GPC6: variants seen among roughly 807,000 people sequenced by gnomAD.
GPC6 encodes the protein glypican-6.
GPC6 carries 14 observed loss-of-function variants against 55.2 expected under a neutral mutation model. The observed-to-expected ratio is 0.25, with a 90% confidence interval of 0.17 to 0.40. The LOEUF is 0.40. GPC6 is among the 10% of genes least tolerant of loss of function. The pLI is 1.00. For missense variants in GPC6, 641 were observed against 708.5 expected, an observed-to-expected ratio of 0.90 and a Z score of 1.08; for synonymous variants, 278 against 259.6, an observed-to-expected ratio of 1.07 and a Z score of -0.68.
intron 1 of GPC6, among the ~76,000 whole-genome samples, chr13:93,235,609 G>A (rs967678386): frequency 2.0e-5 from 3 of 151,928 alleles, no homozygotes; most frequent in Non-Finnish European, 2.9e-5. Context: ...GGTGAATAAG[G>A]CCATGAGAGA....
At chr13:93,280,021 G>A (rs901033325) in intron 1 of GPC6, among the ~76,000 whole-genome samples, 1 of 152,170 alleles carries the variant, frequency 6.6e-6, no homozygotes, top group African/African-American at 2.4e-5. Flanking sequence ...AAGGATACCT[G>A]CTTGGTCTGT....
chr13:93,326,331 T>C (rs559553350), intron 1 of GPC6, among the ~76,000 whole-genome samples: 2 of 152,286 alleles, frequency 1.3e-5, no homozygotes, highest in African/African-American at 4.8e-5. Context: ...CTTGAGATTC[T>C]TTACTTATTA....
At chr13:93,980,221 A>T (rs1219131669) in intron 3 of GPC6, among the ~76,000 whole-genome samples, 1 of 152,162 alleles carries the variant, frequency 6.6e-6, no homozygotes, top group East Asian at 1.9e-4. Flanking sequence ...TTTAAAAGAA[A>T]ATCAATGCAA....
intron 2 of GPC6, among the ~76,000 whole-genome samples, chr13:93,586,593 C>A (rs78201998): frequency 6.6e-6 from 1 of 152,164 alleles, no homozygotes; most frequent in Non-Finnish European, 1.5e-5. Context: ...CCCTTCCTTA[C>A]ACCATATGCA....
intron 4 of GPC6, among the ~76,000 whole-genome samples, chr13:94,242,445 G>A (rs1212678567): frequency 3.3e-5 from 5 of 152,016 alleles, no homozygotes; most frequent in South Asian, 2.1e-4. Flanking sequence ...ACATGCACAC[G>A]TATGTTTATT....
intron 4 of GPC6, among the ~76,000 whole-genome samples, chr13:94,122,712 G>T (rs562948411): frequency 3.3e-5 from 5 of 152,030 alleles, no homozygotes; most frequent in African/African-American, 1.2e-4. Flanking sequence ...AGCCAGAAGA[G>T]AGCTATTTCC....
chr13:93,603,644 C>G (rs2139527916), intron 2 of GPC6, among the ~76,000 whole-genome samples: 1 of 152,290 alleles, frequency 6.6e-6, no homozygotes, highest in Admixed American at 6.5e-5. Context: ...TTGGATAAAA[C>G]TAATTGTGAA....
intron 3 of GPC6, among the ~76,000 whole-genome samples, chr13:93,968,503 A>C (rs901296950): frequency 6.6e-6 from 1 of 152,162 alleles, no homozygotes; most frequent in Admixed American, 6.5e-5. Flanking sequence ...TGTTAATATA[A>C]GACAATATTC....
intron 1 of GPC6, among the ~76,000 whole-genome samples, chr13:93,371,742 G>C (rs1187285931): frequency 2.6e-5 from 4 of 152,122 alleles, no homozygotes; most frequent in African/African-American, 7.2e-5. Flanking sequence ...GATAGGCAGG[G>C]AGATACATAG....
chr13:93,701,351 TAG>T (rs1287301167), intron 2 of GPC6, among the ~76,000 whole-genome samples: 25 of 152,118 alleles, frequency 1.6e-4, no homozygotes, highest in Non-Finnish European at 1.5e-4. Context: ...TTGTGTGTAA[TAG>T]CATTATGGAT....
At chr13:94,089,007 C>G (rs76576757) in intron 4 of GPC6, among the ~76,000 whole-genome samples, 2,050 of 152,178 alleles carry the variant, frequency 0.013, 59 homozygotes, top group African/African-American at 0.047. Context: ...TGGAAGCACA[C>G]TAGGTTCAGG....
chr13:93,979,860 G>A lies in GPC6; in HGVS notation c.712-47869G>A, dbSNP rs77163004. ...CTATTCACCATAAATCAGCCAAGTT[G>A]TATAGACCAGACCTTTCAGAAAGAT... On this transcript the variant is annotated intron_variant, in intron 3 of 8. Transcript: ENST00000377047. 4.3e-3 allele frequency among the ~76,000 whole-genome samples: 655 copies of A among 152,178 alleles called. 10 individuals are homozygous for A. Among genetic ancestry groups the A allele is most frequent in the African/African-American group, 0.015 (622 of 41,512 alleles).
chr13:94,253,639 G>A (rs375747006), intron 4 of GPC6, among the ~76,000 whole-genome samples: 128 of 152,054 alleles, frequency 8.4e-4, no homozygotes, highest in African/African-American at 2.4e-3. Flanking sequence ...GTGTGTTTTC[G>A]ATCATAGAAA....
intron 4 of GPC6, among the ~76,000 whole-genome samples, chr13:94,083,018 C>T (rs1259642508): frequency 6.6e-6 from 1 of 152,190 alleles, no homozygotes; most frequent in African/African-American, 2.4e-5. Flanking sequence ...CATGATCTGT[C>T]AGAGATTTTC....
intron 4 of GPC6, among the ~76,000 whole-genome samples, chr13:94,140,362 A>G (rs572108667): frequency 2.6e-5 from 4 of 152,376 alleles, no homozygotes; most frequent in Middle Eastern, 3.4e-3. Flanking sequence ...TGTGTTTGAC[A>G]CTGGGGGCCT....
At chr13:94,216,969 A>G (rs1890244630) in intron 4 of GPC6, among the ~76,000 whole-genome samples, 1 of 151,970 alleles carries the variant, frequency 6.6e-6, no homozygotes, top group East Asian at 1.9e-4. Context: ...AACTACTTAA[A>G]CTCTCTAAGC....
chr13:94,044,897 C>CT (rs933241395), intron 4 of GPC6, among the ~76,000 whole-genome samples: 2 of 151,546 alleles, frequency 1.3e-5, no homozygotes, highest in Non-Finnish European at 1.5e-5. Flanking sequence ...AAATTAACAC[C>CT]TTTTTTTAAC....
At chr13:93,742,440 TTTCAAGGGAA>T (rs1280895264) in intron 2 of GPC6, among the ~76,000 whole-genome samples, 9 of 152,208 alleles carry the variant, frequency 5.9e-5, no homozygotes, top group Admixed American at 5.9e-4. Context: ...TTATGCCATG[TTTCAAGGGAA>T]GGTTACAGGC....
At chr13:93,360,603 C>A (rs1410987577) in intron 1 of GPC6, among the ~76,000 whole-genome samples, 3 of 152,152 alleles carry the variant, frequency 2.0e-5, no homozygotes, top group African/African-American at 7.2e-5. Flanking sequence ...ATTAGATGTG[C>A]AGCAAAATAG....
Sources: gnomAD v4.1 joint callset for allele counts (sites outside exome capture counted in the v4.1 genomes callset) on GRCh38, gnomAD v4.1.1 for gene constraint, MANE v1.5 for transcripts, NCBI Gene and HGNC (gene_info 2026-07-23, HGNC 2026-07-21) for gene names.